Variants in ATP6V1G2 observed in about 807,000 individuals in gnomAD.
The protein encoded by ATP6V1G2 is ATPase H+ transporting V1 subunit G2, also known as V-type proton ATPase subunit G 2.
A neutral mutation model predicts 17.8 loss-of-function variants in ATP6V1G2; 14 were observed. That is an observed-to-expected ratio of 0.79 (90% CI 0.52 to 1.23). The LOEUF (loss-of-function observed/expected upper bound fraction) is 1.23. ATP6V1G2 is among the 50% of genes most tolerant of loss of function. ATP6V1G2 has a pLI of 0.00. For missense variants in ATP6V1G2, 112 were observed against 152.2 expected, an observed-to-expected ratio of 0.74 and a Z score of 1.39; for synonymous variants, 57 against 54.8, an observed-to-expected ratio of 1.04 and a Z score of -0.17.
chr6:31,545,870 T>G lies in ATP6V1G2; in HGVS notation c.183+239A>C. The G allele has an allele frequency of 1.6e-6, 1 of 612,806 alleles. No individual in the cohort carries two copies. Among genetic ancestry groups the G allele is most frequent in the Non-Finnish European group, 2.9e-6 (1 of 346,284 alleles). The allele number at this position is 612,806 out of a possible 1,614,324, so 38.0% of individuals were successfully genotyped here. ...CCACAAATGTTAATCATACTCCACA[T>G]AGATGTTATACTTTACACAGACTGT... is the stretch of plus-strand genomic sequence containing the variant. On this transcript the variant is annotated intron_variant, in intron 2 of 2. Transcript: ENST00000303892. The surrounding 1 kb of genome is among the most constrained non-coding windows in gnomAD (Gnocchi z 4.9).
rs574814274 is a variant in ATP6V1G2 at position 31,545,657 on chromosome 6, A to G, written c.184-76T>C. On this transcript the variant is annotated intron_variant, in intron 2 of 2. Transcript: ENST00000303892. The surrounding 1 kb of genome is among the most constrained non-coding windows in gnomAD (Gnocchi z 4.9). ...ACAAGGGTCCAGGCATATGAGGGGA[A>G]AGATCCTGAAACAAAGCCTAGAAGA... 3 of 1,471,464 alleles carry G rather than the reference A, an allele frequency of 2.0e-6. No individual in the cohort carries two copies. The highest frequency in any genetic ancestry group is 2.3e-5 in the East Asian group (1 of 43,226). The allele number at this position is 1,471,464 out of a possible 1,614,324, so 91.2% of individuals were successfully genotyped here.
chr6:31,546,511 G>T lies in ATP6V1G2; in HGVS notation c.49C>A (p.Arg17=). 3 of 1,613,968 alleles carry T rather than the reference G, an allele frequency of 1.9e-6. No homozygotes were observed. In the African/African-American group the frequency reaches 4.0e-5, roughly 22 times the overall value. Residue 17 remains arginine (R), a synonymous_variant, in exon 1 of 3, where the codon CGG becomes AGG. Coordinates refer to ENST00000303892, the MANE Select transcript of ATP6V1G2 (RefSeq NM_130463.4). This position sits in a 1 kb window ranked among gnomAD's most constrained non-coding sequence, Gnocchi z 4.1. ...GIQQLLQAEK[R]AAEKVADARK... is the part of the protein sequence containing the mutation. ...GCATCTGCCACCTTCTCAGCTGCCCGCTTCTCAGCTTGCAGAAGCTGCTGG... is the reference window on the plus strand; with the variant it reads ...GCATCTGCCACCTTCTCAGCTGCCCTCTTCTCAGCTTGCAGAAGCTGCTGG...
chr6:31,546,396 C>G lies in ATP6V1G2; in HGVS notation c.82+82G>C, dbSNP rs1768995096. Reference sequence around the variant, plus strand: ...CCCTAGCTGTCTGTCTTCCCGCCAGCCTTGGGTTTTCCCAAAATGTTTGCT... The same window carrying G: ...CCCTAGCTGTCTGTCTTCCCGCCAGGCTTGGGTTTTCCCAAAATGTTTGCT... On this transcript the variant is annotated intron_variant, in intron 1 of 2. Transcript: ENST00000303892. The surrounding 1 kb of genome is among the most constrained non-coding windows in gnomAD (Gnocchi z 4.1). 1 of 1,451,302 alleles carries G rather than the reference C, an allele frequency of 6.9e-7. No individual in the cohort carries two copies. Among genetic ancestry groups the G allele is most frequent in the Non-Finnish European group, 9.5e-7 (1 of 1,047,860 alleles). The allele number at this position is 1,451,302 out of a possible 1,614,324, so 89.9% of individuals were successfully genotyped here.
upstream of ATP6V1G2, chr6:31,546,682 G>A: frequency 1.2e-6 from 1 of 813,560 alleles, no homozygotes; most frequent in South Asian, 1.5e-5. This position sits in a 1 kb window ranked among gnomAD's most constrained non-coding sequence, Gnocchi z 4.1. Context: ...CTGGGTCTTA[G>A]TGCTCCCCTG....
chr6:31,546,342 C>A lies in ATP6V1G2; in HGVS notation c.83-133G>T. 1 of 1,255,602 alleles carries A rather than the reference C, an allele frequency of 8.0e-7. No homozygotes were observed. Among genetic ancestry groups the A allele is most frequent in the Non-Finnish European group, 1.1e-6 (1 of 884,412 alleles). The allele number at this position is 1,255,602 out of a possible 1,614,324, so 77.8% of individuals were successfully genotyped here. ...CAGGTGCCAGATTCTAATATCCATC[C>A]ATTTCTTCCCTCCTAACCAGCCTCC... On this transcript the variant is annotated intron_variant, in intron 1 of 2. Transcript: ENST00000303892. This position sits in a 1 kb window ranked among gnomAD's most constrained non-coding sequence, Gnocchi z 4.1.
Position 31,546,040 on chromosome 6 carries a change from C to T in ATP6V1G2, c.183+69G>A, listed in dbSNP as rs1768955622. ...CACCATATTTTCTTGTTGAGTCACCCTTACACACCTCACTAGATGCACCCA... is the reference window on the plus strand; with the variant it reads ...CACCATATTTTCTTGTTGAGTCACCTTTACACACCTCACTAGATGCACCCA... On this transcript the variant is annotated intron_variant, in intron 2 of 2. Transcript: ENST00000303892. This position sits in a 1 kb window ranked among gnomAD's most constrained non-coding sequence, Gnocchi z 4.1. The T allele has an allele frequency of 1.3e-6, 2 of 1,499,796 alleles. No individual in the cohort carries two copies. Among genetic ancestry groups the T allele is most frequent in the African/African-American group, 2.8e-5 (2 of 72,366 alleles). 92.9% of individuals were successfully genotyped at this position (1,499,796 alleles called of 1,614,324 possible).
Position 31,545,174 on chromosome 6 carries a change from G to A in ATP6V1G2, c.*234C>T. 1 of 607,152 alleles carries A rather than the reference G, an allele frequency of 1.6e-6. No homozygotes were observed. The highest frequency in any genetic ancestry group is 2.9e-6 in the Non-Finnish European group (1 of 349,778). The allele number at this position is 607,152 out of a possible 1,614,324, so 37.6% of individuals were successfully genotyped here. ...CCCCATATTACAAATTTCACAGAGG[G>A]TTTAGGTGAGAATGACTTGGAAGTT... On this transcript the variant is annotated 3_prime_UTR_variant, in exon 3 of 3. Transcript: ENST00000303892. This position sits in a 1 kb window ranked among gnomAD's most constrained non-coding sequence, Gnocchi z 4.9.
rs1768850980 is a variant in ATP6V1G2 at position 31,545,010 on chromosome 6, C to T, written c.*398G>A. 2.8e-6 allele frequency: 1 copy of T among 362,924 alleles called. No individual in the cohort carries two copies. Among genetic ancestry groups the T allele is most frequent in the Non-Finnish European group, 5.2e-6 (1 of 190,540 alleles). The allele number at this position is 362,924 out of a possible 1,614,324, so 22.5% of individuals were successfully genotyped here. A position where few individuals can be genotyped will look rare whatever the true frequency, so the allele number is the denominator to read the frequency against. On this transcript the variant is annotated 3_prime_UTR_variant, in exon 3 of 3. Coordinates refer to ENST00000303892, the MANE Select transcript of ATP6V1G2 (RefSeq NM_130463.4). This position sits in a 1 kb window ranked among gnomAD's most constrained non-coding sequence, Gnocchi z 4.9. ...CTCACAAGGTAGGCATTATTATCAT[C>T]CCAGTTTCACAGAGGAGGACATCGA...
chr6:31,545,654 G>A lies in ATP6V1G2; in HGVS notation c.184-73C>T. The A allele has an allele frequency of 6.7e-7, 1 of 1,489,788 alleles. No homozygotes were observed. Among genetic ancestry groups the A allele is most frequent in the Non-Finnish European group, 9.0e-7 (1 of 1,107,700 alleles). The allele number at this position is 1,489,788 out of a possible 1,614,324, so 92.3% of individuals were successfully genotyped here. A position where few individuals can be genotyped will look rare whatever the true frequency, so the allele number is the denominator to read the frequency against. On this transcript the variant is annotated intron_variant, in intron 2 of 2. Coordinates refer to ENST00000303892, the MANE Select transcript of ATP6V1G2 (RefSeq NM_130463.4). This position sits in a 1 kb window ranked among gnomAD's most constrained non-coding sequence, Gnocchi z 4.9. ...CAGACAAGGGTCCAGGCATATGAGG[G>A]GAAAGATCCTGAAACAAAGCCTAGA...
rs761196920 is a variant in ATP6V1G2, at chr6:31,546,132, C to T, written c.160G>A (p.Glu54Lys). Residue 54 changes from glutamate to lysine, a missense_variant, in exon 2 of 3, where the codon GAA becomes AAA. Transcript: ENST00000303892. The surrounding 1 kb of genome is among the most constrained non-coding windows in gnomAD (Gnocchi z 4.1). ...ACCGCCTGCTGCTTGCTCTGGAATT[C>T]GTGCTCTCGCTCTCTGCGGTATTGC... Reference protein sequence around the residue: ...VEQYRREREHEFQSKQQAAMG... With the variant: ...VEQYRREREHKFQSKQQAAMG... The T allele has an allele frequency of 6.8e-6, 11 of 1,613,908 alleles. No individual in the cohort carries two copies. Among genetic ancestry groups the T allele is most frequent in the African/African-American group, 6.7e-5 (5 of 74,848 alleles).
Position 31,546,241 on chromosome 6 carries a change from A to T in ATP6V1G2, c.83-32T>A. The T allele has an allele frequency of 6.4e-7, 1 of 1,566,016 alleles. No homozygotes were observed. The highest frequency in any genetic ancestry group is 8.8e-7 in the Non-Finnish European group (1 of 1,137,372). On this transcript the variant is annotated intron_variant, in intron 1 of 2. Transcript: ENST00000303892. The surrounding 1 kb of genome is among the most constrained non-coding windows in gnomAD (Gnocchi z 4.1). ...GCAGAAGAAAGGACAGTGAGTGGGG[A>T]TGGACCCACACACACACAATGTAAT...
rs746377626 is a variant in ATP6V1G2 at position 31,546,576 on chromosome 6, G to A, written c.-17C>T. Reference sequence around the variant, plus strand: ...ACTGGCCATTTCTGTTGTTATGGCCGATGCTGTTTTGAATGCTGTCAAAGT... The same window carrying A: ...ACTGGCCATTTCTGTTGTTATGGCCAATGCTGTTTTGAATGCTGTCAAAGT... On this transcript the variant is annotated 5_prime_UTR_variant, in exon 1 of 3. Coordinates refer to ENST00000303892, the MANE Select transcript of ATP6V1G2 (RefSeq NM_130463.4). The surrounding 1 kb of genome is among the most constrained non-coding windows in gnomAD (Gnocchi z 4.1). The A allele has an allele frequency of 5.2e-5, 84 of 1,609,964 alleles. No individual in the cohort carries two copies. The East Asian group carries it at 1.7e-3, about 32-fold the overall frequency.
rs192182050 is a variant in ATP6V1G2 at position 31,544,709 on chromosome 6, A to T, written c.*699T>A. 9.9e-5 allele frequency: 45 copies of T among 456,642 alleles called. No homozygotes were observed. Among genetic ancestry groups the T allele is most frequent in the Non-Finnish European group, 1.9e-4 (42 of 226,974 alleles). 28.3% of individuals were successfully genotyped at this position (456,642 alleles called of 1,614,324 possible). A position where few individuals can be genotyped will look rare whatever the true frequency, so the allele number is the denominator to read the frequency against. On this transcript the variant is annotated 3_prime_UTR_variant, in exon 3 of 3. Transcript: ENST00000303892. Reference sequence around the variant, plus strand: ...ATGCAGTTATCTACCTGGAATTATAAGAGAGGGGCTAAATGTAGTCATCTC... The same window carrying T: ...ATGCAGTTATCTACCTGGAATTATATGAGAGGGGCTAAATGTAGTCATCTC...
chr6:31,545,388 A>G lies in ATP6V1G2; in HGVS notation c.*20T>C, dbSNP rs756312161. Reference sequence around the variant, plus strand: ...TTTGAGGGAGGGAACTGGCAGAAGGAGTCAGGCCCTACGGTGGCCCTAGGC... The same window carrying G: ...TTTGAGGGAGGGAACTGGCAGAAGGGGTCAGGCCCTACGGTGGCCCTAGGC... On this transcript the variant is annotated 3_prime_UTR_variant, in exon 3 of 3. Transcript: ENST00000303892. The surrounding 1 kb of genome is among the most constrained non-coding windows in gnomAD (Gnocchi z 4.9). 442 of 1,611,240 alleles carry G rather than the reference A, an allele frequency of 2.7e-4. No individual in the cohort carries two copies. Among genetic ancestry groups the G allele is most frequent in the Non-Finnish European group, 3.7e-4 (435 of 1,178,638 alleles).
At position 31,545,988 on chromosome 6, in the gene ATP6V1G2, A is replaced by C; in HGVS notation, c.183+121T>G. 1.1e-6 allele frequency: 1 copy of C among 951,414 alleles called. No individual in the cohort carries two copies. Among genetic ancestry groups the C allele is most frequent in the Non-Finnish European group, 1.7e-6 (1 of 590,886 alleles). 58.9% of individuals were successfully genotyped at this position (951,414 alleles called of 1,614,324 possible). On this transcript the variant is annotated intron_variant, in intron 2 of 2. Transcript: ENST00000303892. The surrounding 1 kb of genome is among the most constrained non-coding windows in gnomAD (Gnocchi z 4.9). The stretch of plus-strand genomic sequence containing the variant: ...TTTCACCAATGTTGTGGTCCCTGCC[A>C]GGGTCCCCTCAGCCTCAGCCCTCTG...
Position 31,545,211 on chromosome 6 carries a change from A to C in ATP6V1G2, c.*197T>G. On this transcript the variant is annotated 3_prime_UTR_variant, in exon 3 of 3. Transcript: ENST00000303892. The surrounding 1 kb of genome is among the most constrained non-coding windows in gnomAD (Gnocchi z 4.9). ...ATGACTTGGAAGTTTACAAAGTCCC[A>C]GTGAGGGTTAAAGAACAACAAGGAG... is the stretch of plus-strand genomic sequence containing the variant. 1 of 677,440 alleles carries C rather than the reference A, an allele frequency of 1.5e-6. No individual in the cohort carries two copies. Among genetic ancestry groups the C allele is most frequent in the Non-Finnish European group, 2.4e-6 (1 of 408,392 alleles). 42.0% of individuals were successfully genotyped at this position (677,440 alleles called of 1,614,324 possible).
Position 31,546,167 on chromosome 6 carries a change from A to G in ATP6V1G2, c.125T>C (p.Met42Thr). The G allele has an allele frequency of 1.9e-6, 3 of 1,613,950 alleles. No homozygotes were observed. The highest frequency in any genetic ancestry group is 2.5e-6 in the Non-Finnish European group (3 of 1,179,998). ...CTCTCTGCGGTATTGCTCCACCTCC[A>G]TCTGTGCCTCCTCCTTTGCCTGCTT... ...RLKQAKEEAQ[M>T]EVEQYRRERE... Residue 42 changes from methionine to threonine, a missense_variant, in exon 2 of 3, where the codon ATG becomes ACG. Met to Thr is a moderately conservative substitution (Grantham distance 81). Transcript: ENST00000303892. The surrounding 1 kb of genome is among the most constrained non-coding windows in gnomAD (Gnocchi z 4.1).
upstream of ATP6V1G2, chr6:31,546,663 C>T (rs561753580): frequency 4.8e-5 from 50 of 1,047,828 alleles, no homozygotes; most frequent in Non-Finnish European, 1.3e-5. The surrounding 1 kb of genome is among the most constrained non-coding windows in gnomAD (Gnocchi z 4.1). Context: ...CTGCAGTCCT[C>T]CACTACCCCT....
At chr6:31,546,740 A>G (rs2150357039), upstream of ATP6V1G2, 1 of 604,540 alleles carries the variant, frequency 1.7e-6, no homozygotes, top group Non-Finnish European at 3.0e-6. This position sits in a 1 kb window ranked among gnomAD's most constrained non-coding sequence, Gnocchi z 4.1. Flanking sequence ...TCATCCTCCT[A>G]TTGATGACTG....
Sources: allele counts gnomAD v4.1 joint callset, GRCh38; gene constraint gnomAD v4.1.1; non-coding constraint Gnocchi (gnomAD v3.1); transcripts MANE v1.5; gene names NCBI Gene and HGNC (gene_info 2026-07-23, HGNC 2026-07-21).